The following ADGRE2 variants were observed in gnomAD, a reference collection of about 807,000 sequenced individuals.
The protein encoded by ADGRE2 is CD97 antigen.
ADGRE2 carries 83 observed loss-of-function variants against 100.8 expected under a neutral mutation model. The observed-to-expected ratio is 0.82, with a 90% CI of 0.69 to 0.99. The LOEUF (loss-of-function observed/expected upper bound fraction) is 0.99, where lower values mean the gene tolerates loss of function less well. ADGRE2 is among the 50% of genes least tolerant of loss of function. The probability of loss-of-function intolerance (pLI) is 0.00; values close to 1 mark genes in which losing one functional copy is unlikely to be tolerated. For synonymous variants in ADGRE2, 355 were observed against 413.0 expected, an observed-to-expected ratio of 0.86 and a Z score of 1.70; for missense variants, 814 against 1,035.7, an observed-to-expected ratio of 0.79 and a Z score of 2.94.
chr19:14,724,293 A>C, the ADGRE2 span, among the ~76,000 whole-genome samples: 1 of 152,204 alleles, frequency 6.6e-6, no homozygotes, highest in Non-Finnish European at 1.5e-5. Flanking sequence ...GATGCCTTCA[A>C]ACCTAGCACA....
chr19:14,728,007 G>C (rs1478065647), downstream of ADGRE2, among the ~76,000 whole-genome samples: 1 of 152,190 alleles, frequency 6.6e-6, no homozygotes, highest in African/African-American at 2.4e-5. Flanking sequence ...TGGATCACGA[G>C]GTCAGGAGAT....
intron 14 of ADGRE2, 130 bp from the exon 15 acceptor site, chr19:14,752,656 T>TC: frequency 8.7e-7 from 1 of 1,145,554 alleles, no homozygotes; most frequent in Non-Finnish European, 1.2e-6. Flanking sequence ...TTTGTGAAGA[T>TC]GTCACCAATT....
chr19:14,759,550 G>A (rs1020236772), intron 11 of ADGRE2, among the ~76,000 whole-genome samples: 3 of 148,342 alleles, frequency 2.0e-5, no homozygotes, highest in African/African-American at 7.6e-5. Context: ...AGGCTGGAGT[G>A]CAGTGGCACG....
At chr19:14,742,139 C>T (rs73515920) in intron 20 of ADGRE2, 13,003 of 398,424 alleles carry the variant, frequency 0.033, 1,524 homozygotes, top group African/African-American at 0.24. Flanking sequence ...GTTAATGAGT[C>T]AAGGAGTCGC....
In ADGRE2 at chr19:14,735,611, C is replaced by T. The variant is rs990114123; in HGVS notation, c.*625G>A. The T allele has an allele frequency of 6.6e-6, 1 of 152,146 alleles. No individual in the cohort carries two copies. The highest frequency in any genetic ancestry group is 1.5e-5 in the Non-Finnish European group (1 of 68,044). The allele number at this position is 152,146 out of a possible 1,614,324, so 9.4% of individuals were successfully genotyped here. ...AATAGTTTATACTTCAATTGCCTAG[C>T]AGTAGAAACCTGATTTCTAGGAATT... On this transcript the variant is annotated 3_prime_UTR_variant, in exon 21 of 21. Coordinates refer to ENST00000315576, the MANE Select transcript of ADGRE2 (RefSeq NM_013447.4).
chr19:14,727,610 C>T (rs532502340), downstream of ADGRE2, among the ~76,000 whole-genome samples: 9 of 152,014 alleles, frequency 5.9e-5, no homozygotes, highest in East Asian at 1.7e-3. Flanking sequence ...TGATCCAACA[C>T]CTCCCACCAG....
chr19:14,773,794 C>T (rs527675273), intron 4 of ADGRE2, 144 bp downstream of exon 4: 6 of 843,676 alleles, frequency 7.1e-6, no homozygotes, highest in Admixed American at 1.9e-5. Context: ...GCCACCACAC[C>T]TGCCCTCTTT....
chr19:14,777,194 G>T, intron 1 of ADGRE2: 1 of 617,770 alleles, frequency 1.6e-6, no homozygotes, highest in Non-Finnish European at 2.0e-6. Context: ...GCTCTTCCCT[G>T]GGCAGGCACG....
chr19:14,744,758 G>T (rs1416217462), intron 18 of ADGRE2, among the ~76,000 whole-genome samples: 2 of 151,142 alleles, frequency 1.3e-5, no homozygotes, highest in Non-Finnish European at 3.0e-5. Flanking sequence ...CCTGGCCCCC[G>T]TAAAGGATTT....
intron 5 of ADGRE2, among the ~76,000 whole-genome samples, chr19:14,770,410 C>A (rs1233409362): frequency 6.6e-6 from 1 of 152,084 alleles, no homozygotes; most frequent in South Asian, 2.1e-4. Context: ...AACCATGAGC[C>A]AAATCAGCTT....
At chr19:14,770,732 T>A (rs2044176451) in intron 5 of ADGRE2, among the ~76,000 whole-genome samples, 1 of 140,244 alleles carries the variant, frequency 7.1e-6, no homozygotes, top group African/African-American at 2.6e-5. Context: ...CAGGCTGGAG[T>A]GCAATATTGA....
At chr19:14,753,172 C>A (rs2043356490) in intron 14 of ADGRE2, among the ~76,000 whole-genome samples, 1 of 151,872 alleles carries the variant, frequency 6.6e-6, no homozygotes, top group Non-Finnish European at 1.5e-5. Context: ...CCTCCCAAAG[C>A]ACAGAGATTC....
At chr19:14,773,090 A>AAAAAAAG (rs2044273489) in intron 4 of ADGRE2, among the ~76,000 whole-genome samples, 1 of 146,986 alleles carries the variant, frequency 6.8e-6, no homozygotes, top group African/African-American at 2.5e-5. Flanking sequence ...CAAAAAAAAA[A>AAAAAAAG]AAAAAAAACA....
rs60321111 is a variant in ADGRE2, at chr19:14,759,505, T to TATATATATATA, written c.1085-3161_1085-3160insTATATATATAT. ...AAGTTATACATATATATATATATAT[T>TATATATATATA]TTTTTTTTTTAGACGGAGTCTCACT... On this transcript the variant is annotated intron_variant, in intron 11 of 20. Transcript: ENST00000315576. 7.3e-4 allele frequency among the ~76,000 whole-genome samples: 45 copies of TATATATATATA among 61,412 alleles called. 1 individual carries two copies. Among genetic ancestry groups the TATATATATATA allele is most frequent in the Admixed American group, 2.1e-3 (11 of 5,154 alleles). 40.3% of individuals were successfully genotyped at this position (61,412 alleles called of 152,430 possible).
intron 16 of ADGRE2, among the ~76,000 whole-genome samples, chr19:14,747,950 T>G (rs2043141696): frequency 6.6e-6 from 1 of 152,210 alleles, no homozygotes; most frequent in Non-Finnish European, 1.5e-5. Context: ...TAAATACTGC[T>G]TCTATGAGCA....
chr19:14,756,353 T>C lies in ADGRE2; in HGVS notation c.1085-8A>G. The C allele has an allele frequency of 6.2e-7, 1 of 1,604,770 alleles. No individual in the cohort carries two copies. Among genetic ancestry groups the C allele is most frequent in the Non-Finnish European group, 8.5e-7 (1 of 1,171,564 alleles). On this transcript the variant is annotated splice_region_variant and splice_polypyrimidine_tract_variant and intron_variant, in intron 11 of 20. Coordinates refer to ENST00000315576, the MANE Select transcript of ADGRE2 (RefSeq NM_013447.4). ...GCACCTCCAGGGACAATTCTATGAG[T>C]TGTGGGAATTACATAAGGGGGGTTA...
chr19:14,750,338 G>A (rs12982970), intron 16 of ADGRE2, among the ~76,000 whole-genome samples: 22,241 of 149,984 alleles, frequency 0.15, 1,771 homozygotes, highest in Middle Eastern at 0.22. Context: ...TATATGCTTC[G>A]GAAAAGCATT....
intron 2 of ADGRE2, among the ~76,000 whole-genome samples, chr19:14,775,011 A>T (rs1164081243): frequency 6.7e-6 from 1 of 149,118 alleles, no homozygotes; most frequent in African/African-American, 2.5e-5. Flanking sequence ...TTTATTATTT[A>T]TTTTTTTTTG....
chr19:14,741,462 CTG>C (rs2042925984), intron 20 of ADGRE2: 1 of 140,044 alleles, frequency 7.1e-6, no homozygotes, highest in Non-Finnish European at 1.5e-5. Flanking sequence ...TGAAGAGACT[CTG>C]TACATTTCTT....
Sources: allele counts gnomAD v4.1 joint callset (sites outside exome capture counted in the v4.1 genomes callset), GRCh38; gene constraint gnomAD v4.1.1; transcripts MANE v1.5; gene names NCBI Gene and HGNC (gene_info 2026-07-23, HGNC 2026-07-21).